Variants in DPF3 observed in about 807,000 individuals in gnomAD.
The protein encoded by DPF3 is zinc finger protein DPF3.
A neutral mutation model predicts 56.8 loss-of-function variants in DPF3; 18 were observed. That is an observed-to-expected ratio of 0.32 (90% CI 0.22 to 0.47). The LOEUF (loss-of-function observed/expected upper bound fraction) is 0.47, where lower values mean the gene tolerates loss of function less well. Ranked by LOEUF, DPF3 falls within the 20% of genes least tolerant of loss-of-function variation. The probability of loss-of-function intolerance (pLI) is 1.00; values close to 1 mark genes in which losing one functional copy is unlikely to be tolerated. For missense variants in DPF3, 403 were observed against 488.8 expected (o/e 0.82, Z 1.65); for synonymous variants, 188 against 180.2 (o/e 1.04, Z -0.35).
chr14:72,858,308 C>CA (rs34498163), intron 1 of DPF3, among the ~76,000 whole-genome samples: 1,618 of 119,812 alleles, frequency 0.014, 31 homozygotes, highest in Admixed American at 0.04. Flanking sequence ...GACTCTATCT[C>CA]AAAAAAAAAA....
chr14:72,846,449 C>T (rs1188473460), intron 1 of DPF3, among the ~76,000 whole-genome samples: 1 of 151,448 alleles, frequency 6.6e-6, no homozygotes, highest in Admixed American at 6.6e-5. Context: ...CATTCTCCTG[C>T]CACAGCCTTT....
chr14:72,825,263 T>C (rs2140041461), intron 1 of DPF3, among the ~76,000 whole-genome samples: 2 of 152,314 alleles, frequency 1.3e-5, no homozygotes, highest in South Asian at 4.1e-4. Context: ...ATCTTATACA[T>C]CTTTCTGACC....
chr14:72,781,485 A>ATG (rs1891968536), intron 1 of DPF3, among the ~76,000 whole-genome samples: 1 of 152,238 alleles, frequency 6.6e-6, no homozygotes, highest in Non-Finnish European at 1.5e-5. Flanking sequence ...CAGTAGACCC[A>ATG]ATAAATCCCT....
rs1883849098 is a variant in DPF3 at position 72,613,022 on chromosome 14, GTGTGTGTGTA to G, written c.*6265_*6274del. On this transcript the variant is annotated 3_prime_UTR_variant, in exon 11 of 11. Coordinates refer to ENST00000556509, the MANE Select transcript of DPF3 (RefSeq NM_001280542.3). ...TGTGTGTGTGTGTGTGTGTGTGTGTGTGTGTGTGTATGTGCGTGCGTGCACGCACGCGCAT... is the reference window on the plus strand; with the variant it reads ...TGTGTGTGTGTGTGTGTGTGTGTGTGTGTGCGTGCGTGCACGCACGCGCAT... Among the ~76,000 whole-genome samples, 1 of 151,680 alleles carries G rather than the reference GTGTGTGTGTA, an allele frequency of 6.6e-6. No homozygotes were observed. The highest frequency in any genetic ancestry group is 1.5e-5 in the Non-Finnish European group (1 of 67,812).
rs538377125 is a variant in DPF3 at position 72,890,539 on chromosome 14, G to C, written c.32+3518C>G. 3.6e-4 allele frequency among the ~76,000 whole-genome samples: 34 copies of C among 93,598 alleles called. No individual in the cohort carries two copies. The South Asian group carries it at 0.011, about 30-fold the overall frequency. 61.4% of individuals were successfully genotyped at this position (93,598 alleles called of 152,430 possible). A position where few individuals can be genotyped will look rare whatever the true frequency, so the allele number is the denominator to read the frequency against. ...ATAATAATAGCATTATGTTTCCCAGGTATGCACAAATCAACCAGAACGTGA... is the reference window on the plus strand; with the variant it reads ...ATAATAATAGCATTATGTTTCCCAGCTATGCACAAATCAACCAGAACGTGA... On this transcript the variant is annotated intron_variant, in intron 1 of 10. Transcript: ENST00000556509.
intron 3 of DPF3, among the ~76,000 whole-genome samples, chr14:72,752,533 CA>C (rs1353819459): frequency 6.6e-6 from 1 of 152,152 alleles, no homozygotes; most frequent in East Asian, 1.9e-4. Flanking sequence ...AGTGGTGGTG[CA>C]CATTTGTAAT....
chr14:72,757,256 A>T (rs1020331730), intron 2 of DPF3, among the ~76,000 whole-genome samples: 4 of 152,152 alleles, frequency 2.6e-5, no homozygotes, highest in African/African-American at 7.2e-5. Context: ...TCTCTGCAGG[A>T]TCTCAGAGAG....
chr14:72,703,263 G>T (rs1191519699), intron 6 of DPF3, among the ~76,000 whole-genome samples: 2 of 152,026 alleles, frequency 1.3e-5, no homozygotes, highest in Non-Finnish European at 2.9e-5. Context: ...TCCTTTGGAT[G>T]GAGACACAGG....
intron 1 of DPF3, among the ~76,000 whole-genome samples, chr14:72,817,013 C>G (rs1193739808): frequency 6.6e-6 from 1 of 152,202 alleles, no homozygotes; most frequent in South Asian, 2.1e-4. Flanking sequence ...CACCAGCAAC[C>G]ATTTTCATTC....
In DPF3 at chr14:72,617,069, C is replaced by T. The variant is rs976934300; in HGVS notation, c.*2228G>A. On this transcript the variant is annotated 3_prime_UTR_variant, in exon 11 of 11. Coordinates refer to ENST00000556509, the MANE Select transcript of DPF3 (RefSeq NM_001280542.3). ...GTGCAGGCAAGTTCCAGTGCCCTGC[C>T]TTGGCCTGGGAGACCCAGCTGAGGC... 4.6e-5 allele frequency among the ~76,000 whole-genome samples: 7 copies of T among 152,184 alleles called. No individual in the cohort carries two copies. Among genetic ancestry groups the T allele is most frequent in the Non-Finnish European group, 7.3e-5 (5 of 68,044 alleles).
At chr14:72,710,607 C>T (rs964333511) in intron 6 of DPF3, among the ~76,000 whole-genome samples, 18 of 152,234 alleles carry the variant, frequency 1.2e-4, no homozygotes, top group Non-Finnish European at 2.9e-5. Flanking sequence ...TCCAGTGATT[C>T]TGATACCGGA....
In DPF3 at chr14:72,613,047, C is replaced by T. The variant is rs919677804; in HGVS notation, c.*6250G>A. On this transcript the variant is annotated 3_prime_UTR_variant, in exon 11 of 11. Coordinates refer to ENST00000556509, the MANE Select transcript of DPF3 (RefSeq NM_001280542.3). ...GTGTGTGTGTATGTGCGTGCGTGCA[C>T]GCACGCGCATGCACATGGGCATTCC... Among the ~76,000 whole-genome samples, 9 of 150,706 alleles carry T rather than the reference C, an allele frequency of 6.0e-5. No individual in the cohort carries two copies. The highest frequency in any genetic ancestry group is 9.7e-5 in the African/African-American group (4 of 41,062).
At chr14:72,682,136 C>T (rs1024388523) in intron 7 of DPF3, among the ~76,000 whole-genome samples, 9 of 151,410 alleles carry the variant, frequency 5.9e-5, no homozygotes, top group East Asian at 3.9e-4. Flanking sequence ...ATCACTTGAA[C>T]CTGGGAGGCA....
intron 2 of DPF3, among the ~76,000 whole-genome samples, chr14:72,754,402 G>A (rs903994464): frequency 6.6e-6 from 1 of 152,158 alleles, no homozygotes; most frequent in Admixed American, 6.5e-5. Context: ...GGACTTTTTT[G>A]TCTTGTTCTT....
In DPF3 at chr14:72,662,940, A is replaced by T. The variant is rs942374280; in HGVS notation, c.871+11300T>A. 15 of 440,236 alleles carry T rather than the reference A, an allele frequency of 3.4e-5. No homozygotes were observed. The East Asian group carries it at 2.9e-3, about 85-fold the overall frequency. The allele number at this position is 440,236 out of a possible 1,614,324, so 27.3% of individuals were successfully genotyped here. A position where few individuals can be genotyped will look rare whatever the true frequency, so the allele number is the denominator to read the frequency against. ...GGGGTGACAGAAATGAAATGAATTA[A>T]AAAAAAAAAAGAAGAAGAAAGAAAG... On this transcript the variant is annotated intron_variant, in intron 8 of 10. Coordinates refer to ENST00000556509, the MANE Select transcript of DPF3 (RefSeq NM_001280542.3).
intron 1 of DPF3, among the ~76,000 whole-genome samples, chr14:72,820,804 G>A (rs1883496991): frequency 1.3e-5 from 2 of 152,034 alleles, no homozygotes; most frequent in South Asian, 4.2e-4. Context: ...AGACCAGCCT[G>A]GGCAACATGA....
chr14:72,786,923 G>A (rs1033973421), intron 1 of DPF3, among the ~76,000 whole-genome samples: 10 of 152,228 alleles, frequency 6.6e-5, no homozygotes, highest in African/African-American at 9.6e-5. Context: ...GCCAATGGGC[G>A]AAAGGACACA....
intron 8 of DPF3, among the ~76,000 whole-genome samples, chr14:72,645,198 A>T (rs998608389): frequency 2.0e-5 from 3 of 152,112 alleles, no homozygotes; most frequent in Non-Finnish European, 2.9e-5. Context: ...AACAGCTAAG[A>T]CCCAAACCAA....
intron 7 of DPF3, among the ~76,000 whole-genome samples, chr14:72,674,988 A>C (rs559130628): frequency 2.6e-5 from 4 of 152,354 alleles, no homozygotes; most frequent in African/African-American, 9.6e-5. Flanking sequence ...TTGATCATGG[A>C]AAGTGCCCAA....
Sources: allele counts gnomAD v4.1 joint callset (sites outside exome capture counted in the v4.1 genomes callset), GRCh38; gene constraint gnomAD v4.1.1; transcripts MANE v1.5; gene names NCBI Gene and HGNC (gene_info 2026-07-23, HGNC 2026-07-21).